Variants in ATP10B observed in about 807,000 individuals in gnomAD.
ATP10B encodes ATPase phospholipid transporting 10B (putative).
In ATP10B, 122 loss-of-function variants were observed where a neutral mutation model predicts 141.2. The observed-to-expected ratio is 0.86, with a 90% confidence interval of 0.75 to 1.00. The LOEUF (loss-of-function observed/expected upper bound fraction) is 1.00, where lower values mean the gene tolerates loss of function less well. Among genes scored for constraint, ATP10B ranks in the 50% least tolerant of loss-of-function variants. ATP10B has a pLI of 0.00. For missense variants in ATP10B, 1,876 were observed against 1,825.3 expected (o/e 1.03, Z -0.51); for synonymous variants, 685 against 692.0 (o/e 0.99, Z 0.16).
intron 7 of ATP10B, among the ~76,000 whole-genome samples, chr5:160,661,157 G>A (rs1761884164): frequency 6.6e-6 from 1 of 151,966 alleles, no homozygotes; most frequent in South Asian, 2.1e-4. Flanking sequence ...TTGCACTCCA[G>A]CCTGGGCAAC....
chr5:160,630,762 G>A (rs1288512566), intron 13 of ATP10B, among the ~76,000 whole-genome samples: 1 of 152,148 alleles, frequency 6.6e-6, no homozygotes, highest in Non-Finnish European at 1.5e-5. Flanking sequence ...ATTTATGAAG[G>A]TCATATGTCT....
At chr5:160,738,906 C>A (rs1336679945) in intron 2 of ATP10B, among the ~76,000 whole-genome samples, 2 of 151,960 alleles carry the variant, frequency 1.3e-5, no homozygotes, top group East Asian at 1.9e-4. Context: ...TATTACCAGA[C>A]AAACACATCA....
intron 2 of ATP10B, among the ~76,000 whole-genome samples, chr5:160,752,177 T>G (rs1389986765): frequency 8.9e-6 from 1 of 112,228 alleles, no homozygotes; most frequent in East Asian, 2.5e-4. Flanking sequence ...CCCCTACTTT[T>G]TTTTTTTTTT....
At chr5:160,702,664 G>A (rs749626660) in intron 3 of ATP10B, among the ~76,000 whole-genome samples, 34 of 152,248 alleles carry the variant, frequency 2.2e-4, no homozygotes, top group Non-Finnish European at 1.5e-4. Flanking sequence ...TTTGATCTGA[G>A]GGAATTATGA....
intron 24 of ATP10B, among the ~76,000 whole-genome samples, chr5:160,587,814 T>C (rs1305057556): frequency 6.6e-6 from 1 of 152,038 alleles, no homozygotes; most frequent in East Asian, 1.9e-4. Context: ...GCTCATCAGC[T>C]TAAGGAGTTT....
intron 1 of ATP10B, among the ~76,000 whole-genome samples, chr5:160,810,107 G>A (rs535139151): frequency 4.6e-4 from 70 of 152,102 alleles, no homozygotes; most frequent in Middle Eastern, 3.4e-3. Context: ...AGTTTGGTTT[G>A]TGTCTTTTTA....
the ATP10B span, among the ~76,000 whole-genome samples, chr5:160,914,624 G>T: frequency 6.6e-6 from 1 of 152,002 alleles, no homozygotes; most frequent in Non-Finnish European, 1.5e-5. Flanking sequence ...TTAAATTCAA[G>T]CTTGGTTAAT....
At position 160,565,409 on chromosome 5, in the gene ATP10B, G is replaced by A. The variant is rs772912459; in HGVS notation, c.*44C>T. 3 of 1,581,330 alleles carry A rather than the reference G, an allele frequency of 1.9e-6. No individual in the cohort carries two copies. ...GGGGTCAAGGGTTATGTGGACCAGTGACTAGGTGGCCTCTGTTGAGTTTGT... is the reference window on the plus strand; with the variant it reads ...GGGGTCAAGGGTTATGTGGACCAGTAACTAGGTGGCCTCTGTTGAGTTTGT... On this transcript the variant is annotated 3_prime_UTR_variant, in exon 26 of 26. Transcript: ENST00000327245.
intron 7 of ATP10B, among the ~76,000 whole-genome samples, chr5:160,657,656 G>A (rs1761598874): frequency 6.6e-6 from 1 of 152,130 alleles, no homozygotes; most frequent in African/African-American, 2.4e-5. Flanking sequence ...TACAGGGCAT[G>A]GGCTTGGCAT....
At chr5:160,787,734 A>G (rs562084254) in intron 1 of ATP10B, among the ~76,000 whole-genome samples, 34 of 152,164 alleles carry the variant, frequency 2.2e-4, no homozygotes, top group Admixed American at 1.4e-3. Context: ...GTGTCAGAAG[A>G]TTGGGACACT....
chr5:160,810,640 GTAAT>G (rs1038654061), intron 1 of ATP10B, among the ~76,000 whole-genome samples: 2 of 152,048 alleles, frequency 1.3e-5, no homozygotes, highest in Non-Finnish European at 2.9e-5. Flanking sequence ...GCTTGACCTT[GTAAT>G]TAATCAGAAA....
intron 9 of ATP10B, 62 bp from the exon 10 acceptor site, chr5:160,640,654 C>T (rs756223920): frequency 2.5e-5 from 39 of 1,572,806 alleles, no homozygotes; most frequent in African/African-American, 1.1e-4. Flanking sequence ...TTACACCATT[C>T]CCTCAGCTCT....
chr5:160,830,768 C>G (rs1173777391), intron 1 of ATP10B, among the ~76,000 whole-genome samples: 3 of 151,916 alleles, frequency 2.0e-5, no homozygotes, highest in Admixed American at 1.3e-4. Context: ...GAAATGAAGA[C>G]AGCAAATATA....
chr5:160,693,403 A>AACACACACACAC lies in ATP10B; in HGVS notation c.-204-4472_-204-4461dup, dbSNP rs3075585. On this transcript the variant is annotated intron_variant, in intron 3 of 25. Transcript: ENST00000327245. ...GGCAAGATGTTTCCATGGGTCAGAA[A>AACACACACACAC]ACACACACACACACACACACACACA... 3.4e-3 allele frequency among the ~76,000 whole-genome samples: 431 copies of AACACACACACAC among 125,666 alleles called. 1 individual carries two copies. The highest frequency in any genetic ancestry group is 0.021 in the East Asian group (77 of 3,752). The allele number at this position is 125,666 out of a possible 152,430, so 82.4% of individuals were successfully genotyped here.
intron 8 of ATP10B, among the ~76,000 whole-genome samples, chr5:160,644,828 A>T (rs1760156455): frequency 6.6e-6 from 1 of 152,190 alleles, no homozygotes; most frequent in Admixed American, 6.5e-5. Context: ...AAAATGGGCA[A>T]CCAGTAGGGC....
chr5:160,772,614 T>C (rs1769988375), intron 2 of ATP10B, among the ~76,000 whole-genome samples: 1 of 152,224 alleles, frequency 6.6e-6, no homozygotes, highest in Non-Finnish European at 1.5e-5. Context: ...CCTAGATCCC[T>C]GGCATGCACA....
At chr5:160,802,369 C>A (rs1220145252) in intron 1 of ATP10B, among the ~76,000 whole-genome samples, 1 of 152,188 alleles carries the variant, frequency 6.6e-6, no homozygotes, top group Non-Finnish European at 1.5e-5. Context: ...TGTTTTCAAG[C>A]CAACCTATAT....
chr5:160,594,962 C>T lies in ATP10B; in HGVS notation c.3564+3808G>A, dbSNP rs1021793212. On this transcript the variant is annotated intron_variant, in intron 22 of 25. Coordinates refer to ENST00000327245, the MANE Select transcript of ATP10B (RefSeq NM_025153.3). ...AATAGTGGGAGACTTTAACACCCTA[C>T]TGTCAACATTAGACAGATCAATGAG... Among the ~76,000 whole-genome samples the T allele has an allele frequency of 3.3e-5, 5 of 152,194 alleles. 1 individual carries two copies. Among genetic ancestry groups the T allele is most frequent in the African/African-American group, 1.2e-4 (5 of 41,450 alleles).
the ATP10B span, among the ~76,000 whole-genome samples, chr5:160,882,054 C>T: frequency 0.1 from 15,609 of 152,062 alleles, 1,152 homozygotes; most frequent in East Asian, 0.32. Flanking sequence ...AAAGGTAAAA[C>T]TCTGGAGACA....
Sources: allele counts gnomAD v4.1 joint callset (sites outside exome capture counted in the v4.1 genomes callset), GRCh38; gene constraint gnomAD v4.1.1; transcripts MANE v1.5; gene names NCBI Gene and HGNC (gene_info 2026-07-23, HGNC 2026-07-21).